NAA35: variants seen among roughly 807,000 people sequenced by gnomAD.
NAA35 encodes MAK10 homolog, amino-acid N-acetyltransferase subunit.
In NAA35, 18 loss-of-function variants were observed where a neutral mutation model predicts 101.7. The observed-to-expected ratio is 0.18, with a 90% CI of 0.12 to 0.26. NAA35 has a LOEUF of 0.26. Among genes scored for constraint, NAA35 ranks in the 10% least tolerant of loss-of-function variants. NAA35 has a pLI of 1.00. For missense variants in NAA35, 601 were observed against 886.8 expected, an observed-to-expected ratio of 0.68 and a Z score of 4.09; for synonymous variants, 267 against 273.1, an observed-to-expected ratio of 0.98 and a Z score of 0.22.
chr9:85,978,983 A>G (rs986919802), intron 11 of NAA35, among the ~76,000 whole-genome samples: 2 of 152,194 alleles, frequency 1.3e-5, no homozygotes, highest in African/African-American at 4.8e-5. Flanking sequence ...TAATTTTTAC[A>G]AAGGCCATTT....
At chr9:86,013,999 CT>C in intron 17 of NAA35, 102 bp downstream of exon 17, 1 of 991,394 alleles carries the variant, frequency 1.0e-6, no homozygotes, top group Non-Finnish European at 1.4e-6. Flanking sequence ...TATATTTTAT[CT>C]TTAGTTGTGG....
intron 11 of NAA35, among the ~76,000 whole-genome samples, chr9:85,980,993 C>T (rs568689683): frequency 1.3e-5 from 2 of 152,240 alleles, no homozygotes; most frequent in South Asian, 2.1e-4. Flanking sequence ...TAGAGACAGA[C>T]ATTGTGTTCC....
At chr9:86,006,206 G>A (rs1464835316) in intron 13 of NAA35, among the ~76,000 whole-genome samples, 6 of 152,072 alleles carry the variant, frequency 3.9e-5, no homozygotes, top group Admixed American at 3.9e-4. Context: ...AAGTGCTGGT[G>A]AGGATGTATT....
At chr9:85,975,254 G>C (rs1247378650) in intron 8 of NAA35, 97 bp downstream of exon 8, 7 of 1,213,932 alleles carry the variant, frequency 5.8e-6, no homozygotes, top group Non-Finnish European at 8.1e-6. Context: ...CCTTTCTCCT[G>C]TATGTGCTTT....
chr9:86,017,448 A>C (rs774675151), intron 18 of NAA35, 50 bp from the exon 19 acceptor site: 6 of 1,542,076 alleles, frequency 3.9e-6, no homozygotes, highest in Non-Finnish European at 5.4e-6. Flanking sequence ...GTAATGCAAG[A>C]GGGAGGAGGA....
chr9:85,983,113 A>G (rs1830500651), intron 11 of NAA35, among the ~76,000 whole-genome samples: 1 of 152,170 alleles, frequency 6.6e-6, no homozygotes, highest in Non-Finnish European at 1.5e-5. Context: ...CAATACTAAA[A>G]GTTTATTCTC....
intron 14 of NAA35, among the ~76,000 whole-genome samples, 178 bp downstream of exon 14, chr9:86,007,642 T>A (rs1831707370): frequency 6.6e-6 from 1 of 152,142 alleles, no homozygotes; most frequent in Non-Finnish European, 1.5e-5. Flanking sequence ...AAACTAAGGT[T>A]TTTATGAGGT....
intron 15 of NAA35, among the ~76,000 whole-genome samples, chr9:86,012,699 T>C (rs1832002423): frequency 6.6e-6 from 1 of 152,188 alleles, no homozygotes; most frequent in African/African-American, 2.4e-5. Flanking sequence ...CATTCTGACA[T>C]ATTTATAGCA....
At chr9:85,963,460 G>A (rs1236656388) in intron 6 of NAA35, among the ~76,000 whole-genome samples, 1 of 151,464 alleles carries the variant, frequency 6.6e-6, no homozygotes, top group African/African-American at 2.4e-5. Context: ...GTAGAGACCC[G>A]GTTTCACTGT....
chr9:85,945,159 G>A (rs1314567893), intron 2 of NAA35, among the ~76,000 whole-genome samples: 6 of 152,162 alleles, frequency 3.9e-5, no homozygotes, highest in Admixed American at 3.9e-4. Flanking sequence ...ATGTTTCACT[G>A]TGGATAGAGA....
Position 85,978,311 on chromosome 9 carries a change from A to G in NAA35, c.807A>G (p.Ala269=), listed in dbSNP as rs755031235. ...AEAQKLMVQA[A]DLLSAIHNSL... is the part of the protein sequence containing the mutation. The stretch of plus-strand genomic sequence containing the variant: ...CTCAAAAATTGATGGTTCAAGCAGC[A>G]GATCTTCTTTCTGCCATTCATAATT... The change falls in exon 11 of 23, where the codon GCA becomes GCG. Residue 269 remains alanine, a synonymous_variant. Coordinates refer to ENST00000361671, the MANE Select transcript of NAA35 (RefSeq NM_024635.4). 5 of 1,613,532 alleles carry G rather than the reference A, an allele frequency of 3.1e-6. No homozygotes were observed. In the Admixed American group the frequency reaches 8.3e-5, roughly 27 times the overall value.
At chr9:85,974,822 T>A in intron 6 of NAA35, 145 bp from the exon 7 acceptor site, 1 of 613,268 alleles carries the variant, frequency 1.6e-6, no homozygotes, top group South Asian at 2.1e-5. Flanking sequence ...ATCCTAGCAA[T>A]ATTTAGACAA....
chr9:85,943,364 G>C (rs2118234537), intron 2 of NAA35, among the ~76,000 whole-genome samples: 1 of 152,210 alleles, frequency 6.6e-6, no homozygotes. Flanking sequence ...TGACAGAGGA[G>C]GACTGGTGAA....
At position 86,024,327 on chromosome 9, in the gene NAA35, G is replaced by C. The variant is rs915597608; in HGVS notation, c.*2367G>C. Among the ~76,000 whole-genome samples the C allele has an allele frequency of 4.6e-5, 7 of 152,198 alleles. No individual in the cohort carries two copies. The highest frequency in any genetic ancestry group is 1.0e-4 in the Non-Finnish European group (7 of 68,044). On this transcript the variant is annotated 3_prime_UTR_variant, in exon 23 of 23. Coordinates refer to ENST00000361671, the MANE Select transcript of NAA35 (RefSeq NM_024635.4). ...AGGGTAGCAGCCTGGCCGAAGTATA[G>C]AGCAGGAAAAGGATGGCGGAGATGA...
intron 12 of NAA35, among the ~76,000 whole-genome samples, chr9:86,001,967 CTG>C (rs2118319843): frequency 6.6e-6 from 1 of 152,198 alleles, no homozygotes; most frequent in African/African-American, 2.4e-5. Context: ...TGACACTAGT[CTG>C]TGTGTTTAAG....
intron 18 of NAA35, 104 bp from the exon 19 acceptor site, chr9:86,017,394 G>A: frequency 1.1e-6 from 1 of 943,768 alleles, no homozygotes; most frequent in Middle Eastern, 2.2e-4. Context: ...TTTTAATTTA[G>A]TATACAAGCT....
At chr9:86,000,866 G>A (rs1190751569) in intron 12 of NAA35, among the ~76,000 whole-genome samples, 1 of 151,756 alleles carries the variant, frequency 6.6e-6, no homozygotes, top group Non-Finnish European at 1.5e-5. Flanking sequence ...TCTTTTGAAT[G>A]GGTTTTCATG....
chr9:85,972,439 G>A (rs951418096), intron 6 of NAA35, among the ~76,000 whole-genome samples: 1 of 150,838 alleles, frequency 6.6e-6, no homozygotes, highest in Non-Finnish European at 1.5e-5. Flanking sequence ...AGCCCAGAGC[G>A]GGGTGGAGGT....
chr9:86,022,018 G>A lies in NAA35; in HGVS notation c.*58G>A, dbSNP rs1564333019. The A allele has an allele frequency of 3.5e-5, 47 of 1,328,160 alleles. No homozygotes were observed. Among genetic ancestry groups the A allele is most frequent in the Non-Finnish European group, 4.3e-5 (40 of 929,384 alleles). 82.3% of individuals were successfully genotyped at this position (1,328,160 alleles called of 1,614,324 possible). The stretch of plus-strand genomic sequence containing the variant: ...AGTCTTCTTTCAGACCCAACTCTTA[G>A]AGGGCACATCACCAGGCTCCACATC... On this transcript the variant is annotated 3_prime_UTR_variant, in exon 23 of 23. Coordinates refer to ENST00000361671, the MANE Select transcript of NAA35 (RefSeq NM_024635.4).
Sources: gnomAD v4.1 joint callset for allele counts (sites outside exome capture counted in the v4.1 genomes callset) on GRCh38, gnomAD v4.1.1 for gene constraint, MANE v1.5 for transcripts, NCBI Gene and HGNC (gene_info 2026-07-23, HGNC 2026-07-21) for gene names.